NAV3: variants seen among roughly 807,000 people sequenced by gnomAD.
The protein encoded by NAV3 is pore membrane and/or filament interacting like protein 1.
In NAV3, 87 loss-of-function variants were observed where a neutral mutation model predicts 244.7. The observed-to-expected ratio is 0.36, with a 90% CI of 0.30 to 0.42. NAV3 has a LOEUF of 0.42. NAV3 is among the 20% of genes least tolerant of loss of function. The pLI, the probability that NAV3 is intolerant of heterozygous loss-of-function variation, is 1.00. For missense variants in NAV3, 2,663 were observed against 2,893.3 expected, an observed-to-expected ratio of 0.92 and a Z score of 1.83; for synonymous variants, 1,126 against 1,042.2, an observed-to-expected ratio of 1.08 and a Z score of -1.55.
At chr12:78,132,458 C>A (rs1295497551) in intron 18 of NAV3, among the ~76,000 whole-genome samples, 1 of 152,052 alleles carries the variant, frequency 6.6e-6, no homozygotes, top group African/African-American at 2.4e-5. Flanking sequence ...GTGACACTGC[C>A]CTCTTGATTC....
At chr12:77,734,231 G>T (rs1877243356) in intron 2 of NAV3, among the ~76,000 whole-genome samples, 1 of 151,678 alleles carries the variant, frequency 6.6e-6, no homozygotes, top group Non-Finnish European at 1.5e-5. Context: ...CTCTGCTTTT[G>T]TTACATTCTA....
chr12:77,691,008 C>T (rs976208907), intron 2 of NAV3, among the ~76,000 whole-genome samples: 2 of 150,148 alleles, frequency 1.3e-5, no homozygotes, highest in African/African-American at 4.9e-5. Flanking sequence ...TTTATTTCTG[C>T]TTGATTTATT....
At chr12:78,165,939 CA>C (rs1331003473) in intron 23 of NAV3, among the ~76,000 whole-genome samples, 12 of 148,102 alleles carry the variant, frequency 8.1e-5, no homozygotes, top group Non-Finnish European at 1.5e-5. Context: ...TATGGTACCC[CA>C]CTCACTAGGT....
At chr12:77,948,562 C>T (rs942859174) in intron 3 of NAV3, among the ~76,000 whole-genome samples, 8 of 151,754 alleles carry the variant, frequency 5.3e-5, no homozygotes, top group Non-Finnish European at 8.8e-5. Context: ...TTACTGTAAA[C>T]ACAAAATACA....
chr12:78,047,827 G>A (rs1408080710), intron 9 of NAV3, among the ~76,000 whole-genome samples: 1 of 152,116 alleles, frequency 6.6e-6, no homozygotes, highest in Non-Finnish European at 1.5e-5. Context: ...CATTCTTTCT[G>A]TCACTTTCAG....
intron 23 of NAV3, among the ~76,000 whole-genome samples, chr12:78,168,138 T>C (rs928032139): frequency 1.3e-5 from 2 of 151,720 alleles, no homozygotes; most frequent in Non-Finnish European, 2.9e-5. Context: ...TTGGTGAGAC[T>C]AGGTCTCCAC....
chr12:77,752,948 T>C (rs1868937310), intron 2 of NAV3, among the ~76,000 whole-genome samples: 1 of 152,198 alleles, frequency 6.6e-6, no homozygotes, highest in Non-Finnish European at 1.5e-5. Flanking sequence ...CATATAGTTC[T>C]AACTTACTAA....
At chr12:77,897,746 A>T (rs1242571462) in intron 1 of NAV3, among the ~76,000 whole-genome samples, 1 of 148,118 alleles carries the variant, frequency 6.8e-6, no homozygotes, top group African/African-American at 2.5e-5. Flanking sequence ...TGTTTGTGGG[A>T]GTATATATCT....
chr12:77,619,794 T>C (rs1016389984), intron 2 of NAV3, among the ~76,000 whole-genome samples: 4 of 152,226 alleles, frequency 2.6e-5, no homozygotes, highest in African/African-American at 7.2e-5. Context: ...ACATGAGATA[T>C]TCCATTCTCA....
intron 4 of NAV3, 113 bp downstream of exon 4, chr12:77,966,414 A>G: frequency 2.4e-6 from 2 of 848,362 alleles, no homozygotes; most frequent in Non-Finnish European, 3.7e-6. Context: ...TGATAAAGGA[A>G]ATTGGTGAAG....
At chr12:77,836,264 G>A (rs991160478) in intron 1 of NAV3, among the ~76,000 whole-genome samples, 7 of 152,120 alleles carry the variant, frequency 4.6e-5, no homozygotes, top group African/African-American at 1.7e-4. Flanking sequence ...AAGTTTCTTG[G>A]CCATACTTAC....
At chr12:77,715,375 A>G (rs1156896846) in intron 2 of NAV3, among the ~76,000 whole-genome samples, 1 of 150,852 alleles carries the variant, frequency 6.6e-6, no homozygotes, top group Non-Finnish European at 1.5e-5. Context: ...TTTTTGTATT[A>G]TATCTCTCTT....
intron 5 of NAV3, among the ~76,000 whole-genome samples, chr12:77,987,917 G>A (rs1358505555): frequency 2.6e-5 from 4 of 152,166 alleles, no homozygotes; most frequent in Admixed American, 2.6e-4. Context: ...TTTGTGGGTG[G>A]TGACAGTGAG....
At chr12:77,965,022 T>C (rs199513665) in intron 3 of NAV3, among the ~76,000 whole-genome samples, 5 of 152,280 alleles carry the variant, frequency 3.3e-5, no homozygotes, top group East Asian at 3.9e-4. Flanking sequence ...AGGGAGGACA[T>C]TGGCAGAACT....
rs575710290 is a variant in NAV3 at position 78,007,285 on chromosome 12, T to C, written c.1747T>C (p.Leu583=). 1 of 1,614,184 alleles carries C rather than the reference T, an allele frequency of 6.2e-7. No homozygotes were observed. Among genetic ancestry groups the C allele is most frequent in the Non-Finnish European group, 8.5e-7 (1 of 1,180,034 alleles). ...AAGTGCTTCTAGTTGTCCTGCCCCT[T>C]TGGAAGGAAGGGAAGCTGGCCAAGC... ...KASASSCPAP[L]EGREAGQASP... The change falls in exon 8 of 40, where the codon TTG becomes CTG. Residue 583 remains leucine, a synonymous_variant. Coordinates refer to ENST00000397909, the MANE Select transcript of NAV3 (RefSeq NM_001024383.2).
chr12:77,986,168 T>A (rs1178016303), intron 5 of NAV3, among the ~76,000 whole-genome samples: 1 of 151,994 alleles, frequency 6.6e-6, no homozygotes, highest in East Asian at 1.9e-4. Context: ...TTGAGACTAG[T>A]CTAGCCAACA....
intron 2 of NAV3, among the ~76,000 whole-genome samples, chr12:77,632,975 C>T (rs116867508): frequency 0.025 from 3,780 of 152,068 alleles, 61 homozygotes; most frequent in Middle Eastern, 0.082. Flanking sequence ...ATAACACTGA[C>T]TTGAACAAAA....
At chr12:77,931,998 T>C (rs1359380652) in intron 1 of NAV3, among the ~76,000 whole-genome samples, 3 of 152,184 alleles carry the variant, frequency 2.0e-5, no homozygotes, top group South Asian at 2.1e-4. Context: ...GGCCAGCTCA[T>C]TGATTCACTG....
chr12:78,191,405 C>G (rs1490303478), intron 34 of NAV3, among the ~76,000 whole-genome samples: 2 of 152,040 alleles, frequency 1.3e-5, no homozygotes, highest in African/African-American at 4.8e-5. Flanking sequence ...AGATTTCTCT[C>G]ACAAGCATAC....
Sources: gnomAD v4.1 joint callset for allele counts (sites outside exome capture counted in the v4.1 genomes callset) on GRCh38, gnomAD v4.1.1 for gene constraint, MANE v1.5 for transcripts, NCBI Gene and HGNC (gene_info 2026-07-23, HGNC 2026-07-21) for gene names.